The following MARCHF10 variants were observed in gnomAD, a reference collection of about 807,000 sequenced individuals.
MARCHF10 encodes the protein probable E3 ubiquitin-protein ligase MARCHF10.
Under a neutral mutation model 76.2 loss-of-function variants are expected in MARCHF10, and 64 were observed. That is an observed-to-expected ratio of 0.84 (90% confidence interval 0.69 to 1.03). The LOEUF (loss-of-function observed/expected upper bound fraction) is 1.03, where lower values mean the gene tolerates loss of function less well. Among genes scored for constraint, MARCHF10 ranks in the 50% least tolerant of loss-of-function variants. The probability of loss-of-function intolerance (pLI) is 0.00; values close to 1 mark genes in which losing one functional copy is unlikely to be tolerated. For synonymous variants in MARCHF10, 340 were observed against 357.5 expected (o/e 0.95, Z 0.55); for missense variants, 875 against 958.0 (o/e 0.91, Z 1.14).
chr17:62,780,801 T>C (rs907851321), intron 3 of MARCHF10: 4 of 152,204 alleles, frequency 2.6e-5, no homozygotes, highest in African/African-American at 4.8e-5. Context: ...CTTGGAAAGA[T>C]GAGAAGGGCC....
At chr17:62,706,252 CG>C (rs1326667550) in intron 9 of MARCHF10, 1 of 152,282 alleles carries the variant, frequency 6.6e-6, no homozygotes, top group Non-Finnish European at 1.5e-5. Flanking sequence ...TCCCTGGGAC[CG>C]TTTCTGTGCC....
intron 3 of MARCHF10, 59 bp downstream of exon 3, chr17:62,788,421 A>C (rs1598035332): frequency 2.5e-6 from 4 of 1,583,036 alleles, no homozygotes; most frequent in East Asian, 2.2e-5. Context: ...ACACACACAC[A>C]CCACCACCAC....
intron 2 of MARCHF10, among the ~76,000 whole-genome samples, chr17:62,795,799 G>A (rs191584578): frequency 6.4e-4 from 97 of 152,308 alleles, no homozygotes; most frequent in African/African-American, 2.3e-3. Context: ...GTCTTAGCCT[G>A]TTTGTATGCC....
At chr17:62,717,916 G>A (rs1185112481) in intron 8 of MARCHF10, among the ~76,000 whole-genome samples, 3 of 152,188 alleles carry the variant, frequency 2.0e-5, no homozygotes, top group African/African-American at 7.2e-5. Flanking sequence ...TCTTAACATG[G>A]AGGGTGCGGT....
rs1322693405 is a variant in MARCHF10 at position 62,711,908 on chromosome 17, T to C, written c.2215-564A>G. ...CCTAAGCATTCGTCTTGATCTTGCA[T>C]ATCACCTTTTGCACTTGTTAACGTT... On this transcript the variant is annotated intron_variant, in intron 8 of 10. Coordinates refer to ENST00000311269, the MANE Select transcript of MARCHF10 (RefSeq NM_152598.4). The surrounding 1 kb of genome is among the most constrained non-coding windows in gnomAD (Gnocchi z 4.4). Among the ~76,000 whole-genome samples, 1 of 152,208 alleles carries C rather than the reference T, an allele frequency of 6.6e-6. No homozygotes were observed. Among genetic ancestry groups the C allele is most frequent in the Non-Finnish European group, 1.5e-5 (1 of 68,030 alleles).
intron 3 of MARCHF10, among the ~76,000 whole-genome samples, chr17:62,776,668 C>T (rs2092560211): frequency 6.6e-6 from 1 of 152,176 alleles, no homozygotes; most frequent in African/African-American, 2.4e-5. Context: ...ATAACCTGAT[C>T]ATAAAAGAAA....
intron 10 of MARCHF10, chr17:62,703,364 A>T (rs1234236088): frequency 6.6e-6 from 1 of 152,366 alleles, no homozygotes; most frequent in Admixed American, 6.5e-5. Flanking sequence ...TCATGCCAGG[A>T]TGCCAGGGGA....
chr17:62,789,056 C>T (rs954050808), intron 2 of MARCHF10, among the ~76,000 whole-genome samples: 3 of 105,882 alleles, frequency 2.8e-5, no homozygotes, highest in African/African-American at 3.8e-5. Flanking sequence ...GGCGACAGAG[C>T]GAGACTCCGT....
chr17:62,788,070 A>G (rs2092775171), intron 3 of MARCHF10, among the ~76,000 whole-genome samples: 1 of 152,212 alleles, frequency 6.6e-6, no homozygotes, highest in Non-Finnish European at 1.5e-5. Context: ...CTTCATCAGA[A>G]ATAAAAACTA....
intron 4 of MARCHF10, among the ~76,000 whole-genome samples, chr17:62,745,395 C>T (rs986460071): frequency 1.5e-4 from 23 of 152,138 alleles, no homozygotes; most frequent in Admixed American, 7.9e-4. Context: ...TGAGCCACTG[C>T]GCCCAGCCTT....
chr17:62,757,247 G>T (rs1014305775), intron 4 of MARCHF10, among the ~76,000 whole-genome samples: 3 of 151,998 alleles, frequency 2.0e-5, no homozygotes, highest in African/African-American at 7.3e-5. Context: ...CTTCAATTTC[G>T]TACAGAATCT....
Position 62,793,287 on chromosome 17 carries a change from CCCA to C in MARCHF10, c.91-4691_91-4689del, listed in dbSNP as rs370249137. Among the ~76,000 whole-genome samples, 114 of 125,358 alleles carry C rather than the reference CCCA, an allele frequency of 9.1e-4. 2 individuals carry two copies. The highest frequency in any genetic ancestry group is 2.5e-3 in the African/African-American group (83 of 33,256). 82.2% of individuals were successfully genotyped at this position (125,358 alleles called of 152,430 possible). A position where few individuals can be genotyped will look rare whatever the true frequency, so the allele number is the denominator to read the frequency against. On this transcript the variant is annotated intron_variant, in intron 2 of 10. Coordinates refer to ENST00000311269, the MANE Select transcript of MARCHF10 (RefSeq NM_152598.4). ...CCCACCACCACCACAACCATCACCACCCACCACCACCACCTCCATCACCACCAC... is the reference window on the plus strand; with the variant it reads ...CCCACCACCACCACAACCATCACCACCCACCACCACCTCCATCACCACCAC...
In MARCHF10 at chr17:62,776,512, C is replaced by T. The variant is rs149993624; in HGVS notation, c.210+11968G>A. On this transcript the variant is annotated intron_variant, in intron 3 of 10. Transcript: ENST00000311269. Reference sequence around the variant, plus strand: ...TTAAAATTACCTAGAGGAACTCAGACGAAGCACAGAAATGAAGGAGAAATT... The same window carrying T: ...TTAAAATTACCTAGAGGAACTCAGATGAAGCACAGAAATGAAGGAGAAATT... Among the ~76,000 whole-genome samples the T allele has an allele frequency of 2.4e-4, 36 of 152,282 alleles. No homozygotes were observed. In the East Asian group the frequency reaches 5.4e-3, roughly 23 times the overall value.
At position 62,777,727 on chromosome 17, in the gene MARCHF10, AG is replaced by A. The variant is rs68034894; in HGVS notation, c.210+10752del. 1.7e-4 allele frequency among the ~76,000 whole-genome samples: 25 copies of A among 148,930 alleles called. 1 individual carries two copies. Among genetic ancestry groups the A allele is most frequent in the South Asian group, 2.1e-4 (1 of 4,672 alleles). On this transcript the variant is annotated intron_variant, in intron 3 of 10. Coordinates refer to ENST00000311269, the MANE Select transcript of MARCHF10 (RefSeq NM_152598.4). ...AGACTCCATCTCAAAAAAAAAAAAA[AG>A]AAAAAAAAAAAGAAAAGTAGGTATA... is the stretch of plus-strand genomic sequence containing the variant.
At chr17:62,778,645 T>G (rs1404267228) in intron 3 of MARCHF10, among the ~76,000 whole-genome samples, 3 of 137,702 alleles carry the variant, frequency 2.2e-5, no homozygotes, top group Non-Finnish European at 4.5e-5. Flanking sequence ...ATCACGCCAC[T>G]GCACTCCAGC....
In MARCHF10 at chr17:62,795,382, A is replaced by AAAAAAAAAAAAAAAAAAAAAAAAAAAAAG. The variant is rs1555719591; in HGVS notation, c.90+6263_90+6264insCTTTTTTTTTTTTTTTTTTTTTTTTTTTT. Among the ~76,000 whole-genome samples, 2 of 111,990 alleles carry AAAAAAAAAAAAAAAAAAAAAAAAAAAAAG rather than the reference A, an allele frequency of 1.8e-5. 1 individual carries two copies. The highest frequency in any genetic ancestry group is 7.3e-5 in the African/African-American group (2 of 27,358). 73.5% of individuals were successfully genotyped at this position (111,990 alleles called of 152,430 possible). ...AAAAAAAAAAAAAAAAAAAAAAAAAAAAGAAGCTAGGCAGCATGAAAATCC... is the reference window on the plus strand; with the variant it reads ...AAAAAAAAAAAAAAAAAAAAAAAAAAAAAAAAAAAAAAAAAAAAAAAAAAAAAAGAAGAAGCTAGGCAGCATGAAAATCC... On this transcript the variant is annotated intron_variant, in intron 2 of 10. Transcript: ENST00000311269.
chr17:62,793,701 C>T (rs1341982116), intron 2 of MARCHF10, among the ~76,000 whole-genome samples: 1 of 146,142 alleles, frequency 6.8e-6, no homozygotes, highest in Non-Finnish European at 1.5e-5. Context: ...ACAACCATTA[C>T]CACCACCACC....
chr17:62,705,129 T>G, intron 10 of MARCHF10: 1 of 1,139,164 alleles, frequency 8.8e-7, no homozygotes, highest in Non-Finnish European at 1.1e-6. Flanking sequence ...ATGTGGTCCC[T>G]TCAGGTAAGG....
intron 6 of MARCHF10, chr17:62,735,205 A>C (rs776149116): frequency 2.0e-5 from 3 of 152,230 alleles, no homozygotes; most frequent in Non-Finnish European, 2.9e-5. Flanking sequence ...GTAAGCCAAG[A>C]TCAGAGCATG....
Sources: allele counts gnomAD v4.1 joint callset (sites outside exome capture counted in the v4.1 genomes callset), GRCh38; gene constraint gnomAD v4.1.1; non-coding constraint Gnocchi (gnomAD v3.1); transcripts MANE v1.5; gene names NCBI Gene and HGNC (gene_info 2026-07-23, HGNC 2026-07-21).